Variants in C1orf21 observed in about 807,000 individuals in gnomAD.
C1orf21 encodes uncharacterized protein C1orf21.
C1orf21 carries 3 observed loss-of-function variants against 18.7 expected under a neutral mutation model. The observed-to-expected ratio is 0.16, with a 90% CI of 0.07 to 0.42. The LOEUF (loss-of-function observed/expected upper bound fraction) is 0.42. Ranked by LOEUF, C1orf21 falls within the 10% of genes least tolerant of loss-of-function variation. The probability of loss-of-function intolerance (pLI) is 0.99; values close to 1 mark genes in which losing one functional copy is unlikely to be tolerated. For synonymous variants in C1orf21, 41 were observed against 46.4 expected (o/e 0.88, Z 0.47); for missense variants, 104 against 143.6 (o/e 0.72, Z 1.41).
At chr1:184,421,660 T>C (rs1407349903) in intron 1 of C1orf21, among the ~76,000 whole-genome samples, 1 of 152,172 alleles carries the variant, frequency 6.6e-6, no homozygotes, top group Non-Finnish European at 1.5e-5. Context: ...TGTCTCAAGG[T>C]CTCCTTTTCT....
chr1:184,612,415 A>G (rs913230543), intron 5 of C1orf21, among the ~76,000 whole-genome samples: 3 of 152,230 alleles, frequency 2.0e-5, no homozygotes, highest in Non-Finnish European at 4.4e-5. Flanking sequence ...TGATGAAAGC[A>G]AAAGACAGAG....
intron 1 of C1orf21, among the ~76,000 whole-genome samples, chr1:184,400,480 C>G (rs1221292605): frequency 6.6e-6 from 1 of 152,084 alleles, no homozygotes; most frequent in Admixed American, 6.6e-5. Context: ...TCCCTCTTAG[C>G]AAAAAGGTTG....
At chr1:184,403,602 T>C (rs1656198364) in intron 1 of C1orf21, among the ~76,000 whole-genome samples, 1 of 152,228 alleles carries the variant, frequency 6.6e-6, no homozygotes, top group Non-Finnish European at 1.5e-5. Flanking sequence ...ACATGTATTA[T>C]GTGATTATTT....
At position 184,387,505 on chromosome 1, in the gene C1orf21, C is replaced by T; in HGVS notation, c.-125+137C>T. 6.5e-6 allele frequency: 1 copy of T among 152,694 alleles called. No homozygotes were observed. Among genetic ancestry groups the T allele is most frequent in the South Asian group, 2.0e-4 (1 of 5,016 alleles). 9.5% of individuals were successfully genotyped at this position (152,694 alleles called of 1,614,324 possible). ...TCTGCCGCACGGAAGGGATGGGAGC[C>T]GCGGTCGTGGCGCTGCCTGCGCGGG... On this transcript the variant is annotated intron_variant, in intron 1 of 5. Coordinates refer to ENST00000235307, the MANE Select transcript of C1orf21 (RefSeq NM_030806.4). This position sits in a 1 kb window ranked among gnomAD's most constrained non-coding sequence, Gnocchi z 5.6.
At chr1:184,513,631 C>T (rs1455836722) in intron 3 of C1orf21, among the ~76,000 whole-genome samples, 1 of 152,240 alleles carries the variant, frequency 6.6e-6, no homozygotes, top group African/African-American at 2.4e-5. Flanking sequence ...TATGCATTTG[C>T]TCCCACAGTT....
intron 2 of C1orf21, among the ~76,000 whole-genome samples, chr1:184,505,777 C>A (rs1266688740): frequency 1.3e-5 from 2 of 151,662 alleles, no homozygotes; most frequent in East Asian, 1.9e-4. Flanking sequence ...AACAAACAAA[C>A]AAAAAAATTA....
intron 2 of C1orf21, among the ~76,000 whole-genome samples, chr1:184,500,558 G>A (rs1398734557): frequency 6.6e-6 from 1 of 152,102 alleles, no homozygotes; most frequent in African/African-American, 2.4e-5. Context: ...ATATCATCCT[G>A]TGCATATGCA....
chr1:184,480,341 A>G (rs1266223793), intron 2 of C1orf21, among the ~76,000 whole-genome samples: 1 of 152,256 alleles, frequency 6.6e-6, no homozygotes, highest in African/African-American at 2.4e-5. Flanking sequence ...AATTGGCTAG[A>G]AAACTAAGTT....
chr1:184,584,570 A>G (rs542098673), intron 3 of C1orf21, among the ~76,000 whole-genome samples: 1 of 152,346 alleles, frequency 6.6e-6, no homozygotes, highest in South Asian at 2.1e-4. Flanking sequence ...ACTCCTAGGA[A>G]TCTACCTAAG....
At chr1:184,547,271 A>G (rs1295934396) in intron 3 of C1orf21, among the ~76,000 whole-genome samples, 1 of 152,210 alleles carries the variant, frequency 6.6e-6, no homozygotes, top group East Asian at 1.9e-4. Flanking sequence ...ATGCCTAGCT[A>G]GGGAATTTGA....
At chr1:184,420,069 G>A (rs1410471547) in intron 1 of C1orf21, among the ~76,000 whole-genome samples, 1 of 152,148 alleles carries the variant, frequency 6.6e-6, no homozygotes, top group African/African-American at 2.4e-5. Flanking sequence ...ATAGAATGTG[G>A]AGTCAGAGGT....
rs151013339 is a variant in C1orf21 at position 184,601,629 on chromosome 1, G to A, written c.327+3168G>A. The stretch of plus-strand genomic sequence containing the variant: ...ATTTAAAAAAATGATTCAGCCAGGC[G>A]CGGTGGCTCACACCTGTAATCCCAG... On this transcript the variant is annotated intron_variant, in intron 5 of 5. Transcript: ENST00000235307. Among the ~76,000 whole-genome samples the A allele has an allele frequency of 4.4e-3, 663 of 152,246 alleles. 5 individuals are homozygous for A. The highest frequency in any genetic ancestry group is 0.015 in the African/African-American group (610 of 41,542).
At chr1:184,456,887 AG>A (rs1657207099) in intron 1 of C1orf21, among the ~76,000 whole-genome samples, 1 of 152,190 alleles carries the variant, frequency 6.6e-6, no homozygotes, top group Non-Finnish European at 1.5e-5. Flanking sequence ...AGATGTCTCC[AG>A]GGGTGCTCAG....
At chr1:184,515,103 A>G (rs957879228) in intron 3 of C1orf21, among the ~76,000 whole-genome samples, 4 of 152,214 alleles carry the variant, frequency 2.6e-5, no homozygotes, top group East Asian at 3.9e-4. Flanking sequence ...AGGTATACCT[A>G]TAACCTCTTT....
intron 1 of C1orf21, among the ~76,000 whole-genome samples, chr1:184,439,103 C>T (rs572641432): frequency 5.9e-5 from 9 of 151,898 alleles, no homozygotes; most frequent in South Asian, 4.2e-4. Flanking sequence ...CCCAGCAACT[C>T]GGGAGGCTGA....
chr1:184,586,732 AGTTTTTT>A (rs1468096809), intron 3 of C1orf21, among the ~76,000 whole-genome samples: 4 of 152,000 alleles, frequency 2.6e-5, no homozygotes, highest in Non-Finnish European at 4.4e-5. Flanking sequence ...CTCTGATGAT[AGTTTTTT>A]GTTTTTTGTT....
intron 3 of C1orf21, among the ~76,000 whole-genome samples, chr1:184,586,872 A>G (rs1659361220): frequency 1.3e-5 from 2 of 152,156 alleles, no homozygotes; most frequent in South Asian, 4.1e-4. Context: ...CTATGTCCAA[A>G]ATGCTGTTGC....
intron 1 of C1orf21, among the ~76,000 whole-genome samples, chr1:184,401,290 G>A (rs1406693911): frequency 4.6e-5 from 7 of 151,794 alleles, no homozygotes; most frequent in African/African-American, 1.2e-4. Flanking sequence ...GCACCATCTC[G>A]GCTCACTGCA....
At chr1:184,401,371 C>A (rs1025271643) in intron 1 of C1orf21, among the ~76,000 whole-genome samples, 1 of 152,118 alleles carries the variant, frequency 6.6e-6, no homozygotes, top group African/African-American at 2.4e-5. Context: ...CAGGCATGCA[C>A]CACCATGCCC....
Sources: gnomAD v4.1 joint callset for allele counts (sites outside exome capture counted in the v4.1 genomes callset) on GRCh38, gnomAD v4.1.1 for gene constraint, Gnocchi (gnomAD v3.1) non-coding constraint, MANE v1.5 for transcripts, NCBI Gene and HGNC (gene_info 2026-07-23, HGNC 2026-07-21) for gene names.